The following ITGB2 variants were observed in gnomAD, a reference collection of about 807,000 sequenced individuals.
ITGB2 encodes the protein integrin subunit beta 2.
ITGB2 carries 56 observed loss-of-function variants against 86.8 expected under a neutral mutation model. That is an observed-to-expected ratio of 0.65 (90% CI 0.52 to 0.81). ITGB2 has a LOEUF of 0.81. ITGB2 is among the 30% of genes least tolerant of loss of function. ITGB2 has a pLI of 0.00. For missense variants in ITGB2, 948 were observed against 1,061.2 expected, an observed-to-expected ratio of 0.89 and a Z score of 1.48; for synonymous variants, 457 against 450.4, an observed-to-expected ratio of 1.01 and a Z score of -0.19.
chr21:44,908,090 C>T (rs1470747489), intron 3 of ITGB2: 1 of 719,328 alleles, frequency 1.4e-6, no homozygotes, highest in Non-Finnish European at 2.6e-6. Flanking sequence ...CCTGGCCACC[C>T]TGCTCAGTCC....
intron 6 of ITGB2, among the ~76,000 whole-genome samples, chr21:44,900,694 A>G (rs1390413752): frequency 5.9e-5 from 9 of 152,084 alleles, no homozygotes. Flanking sequence ...AGGCGCAGGG[A>G]GTGGAGGCAC....
intron 9 of ITGB2, chr21:44,894,703 A>C: frequency 2.0e-6 from 1 of 510,430 alleles, no homozygotes; most frequent in Non-Finnish European, 3.6e-6. Context: ...AGACCCGCAG[A>C]GAAGAGTCTG....
chr21:44,928,574 G>A (rs1406994286), intron 1 of ITGB2: 1 of 148,476 alleles, frequency 6.7e-6, no homozygotes, highest in African/African-American at 2.5e-5. Flanking sequence ...CCACCCCCAT[G>A]AAGGCCAACT....
chr21:44,903,669 C>A, intron 4 of ITGB2, 134 bp from the exon 5 acceptor site: 1 of 1,014,724 alleles, frequency 9.9e-7, no homozygotes, highest in Non-Finnish European at 1.5e-6. Flanking sequence ...CTCCCCTCTC[C>A]CCGCCTGGCA....
upstream of ITGB2, among the ~76,000 whole-genome samples, chr21:44,921,862 C>T (rs534370413): frequency 6.6e-6 from 1 of 152,274 alleles, no homozygotes; most frequent in South Asian, 2.1e-4. Context: ...GCTGGGATTA[C>T]AGGCACATGT....
intron 11 of ITGB2, among the ~76,000 whole-genome samples, chr21:44,890,616 G>A (rs993276765): frequency 2.0e-5 from 3 of 152,192 alleles, no homozygotes; most frequent in Admixed American, 6.5e-5. Context: ...CCACAGCCCC[G>A]CCCTCCCTCC....
At position 44,887,019 on chromosome 21, in the gene ITGB2, C is replaced by T. The variant is rs114880579; in HGVS notation, c.2081-117G>A. 1.4e-3 allele frequency: 1,799 copies of T among 1,243,180 alleles called. 18 individuals are homozygous for T. In the African/African-American group the frequency reaches 0.022, roughly 15 times the overall value. The allele number at this position is 1,243,180 out of a possible 1,614,324, so 77.0% of individuals were successfully genotyped here. A position where few individuals can be genotyped will look rare whatever the true frequency, so the allele number is the denominator to read the frequency against. ...CTTAGAGAGACGGAGGTTCCCAGGG[C>T]CCCGGCTCACCATCCATCACCATGG... On this transcript the variant is annotated intron_variant, in intron 14 of 15. Transcript: ENST00000652462.
chr21:44,924,353 CT>C (rs2084345837), upstream of ITGB2, among the ~76,000 whole-genome samples: 1 of 152,080 alleles, frequency 6.6e-6, no homozygotes, highest in African/African-American at 2.4e-5. Context: ...TCACTCAAAC[CT>C]AGGAGGCAGA....
chr21:44,911,197 C>T (rs2146548224), intron 1 of ITGB2: 1 of 324,558 alleles, frequency 3.1e-6, no homozygotes, highest in South Asian at 2.8e-5. Flanking sequence ...CATATGTACA[C>T]ACAGAGATGT....
upstream of ITGB2, among the ~76,000 whole-genome samples, chr21:44,925,821 G>A (rs967996443): frequency 6.6e-6 from 1 of 152,212 alleles, no homozygotes; most frequent in Non-Finnish European, 1.5e-5. Context: ...GCTCACGCCT[G>A]TAATCCCAGC....
At chr21:44,927,855 T>A (rs2084395125) in intron 1 of ITGB2, 1 of 152,030 alleles carries the variant, frequency 6.6e-6, no homozygotes, top group Non-Finnish European at 1.5e-5. Context: ...CCCCCACAGA[T>A]CCATACAAAC....
At chr21:44,903,566 C>T in intron 4 of ITGB2, 31 bp from the exon 5 acceptor site, 2 of 1,613,250 alleles carry the variant, frequency 1.2e-6, no homozygotes, top group Non-Finnish European at 1.7e-6. Context: ...AAAGGAGCCA[C>T]ACCTCACATC....
At chr21:44,924,798 T>G (rs976249077), upstream of ITGB2, among the ~76,000 whole-genome samples, 1 of 152,148 alleles carries the variant, frequency 6.6e-6, no homozygotes, top group Non-Finnish European at 1.5e-5. Context: ...GAAGTGCTGC[T>G]CTGAAGCCTC....
intron 1 of ITGB2, among the ~76,000 whole-genome samples, chr21:44,927,454 G>A (rs997977869): frequency 3.3e-5 from 5 of 152,010 alleles, no homozygotes; most frequent in African/African-American, 1.2e-4. Context: ...ACCCCCACGA[G>A]GACCCTGGGG....
At chr21:44,893,286 G>T (rs1164811813) in intron 10 of ITGB2, 118 bp downstream of exon 10, 1 of 1,264,008 alleles carries the variant, frequency 7.9e-7, no homozygotes, top group Non-Finnish European at 1.1e-6. Flanking sequence ...GGGGACCCTG[G>T]CTCCTTCTGG....
intron 9 of ITGB2, chr21:44,893,990 GAGACAGAGAGAGAC>G (rs1242034703): frequency 3.7e-5 from 11 of 294,172 alleles, no homozygotes; most frequent in African/African-American, 1.3e-4. Context: ...AGATGGGGCA[GAGACAGAGAGAGAC>G]AGACAGAGAG....
chr21:44,919,029 A>AGCACTCAGAGGTGCCTTCG (rs1568909711), intron 1 of ITGB2, among the ~76,000 whole-genome samples: 1 of 146,466 alleles, frequency 6.8e-6, no homozygotes. Flanking sequence ...AGGCACCTGC[A>AGCACTCAGAGGTGCCTTCG]GTTGCTCAGC....
At chr21:44,889,096 C>G in intron 13 of ITGB2, 180 bp downstream of exon 13, 1 of 706,276 alleles carries the variant, frequency 1.4e-6, no homozygotes, top group Non-Finnish European at 2.4e-6. Context: ...CAGGTGCGCA[C>G]AGGAGGGAGG....
chr21:44,918,745 C>T lies in ITGB2; in HGVS notation c.-4+2076G>A, dbSNP rs376301993. Among the ~76,000 whole-genome samples, 26 of 152,336 alleles carry T rather than the reference C, an allele frequency of 1.7e-4. No individual in the cohort carries two copies. The South Asian group carries it at 4.3e-3, about 25-fold the overall frequency. ...TGCACTAGGCAGGTCACGTCGATGC[C>T]GCCTGAGGGGCAGGGGTTACCACCC... On this transcript the variant is annotated intron_variant, in intron 1 of 15. Transcript: ENST00000652462.
Sources: allele counts gnomAD v4.1 joint callset (sites outside exome capture counted in the v4.1 genomes callset), GRCh38; gene constraint gnomAD v4.1.1; transcripts MANE v1.5; gene names NCBI Gene and HGNC (gene_info 2026-07-23, HGNC 2026-07-21).